The following PRR23E variants were observed in gnomAD, a reference collection of about 807,000 sequenced individuals.
The protein encoded by PRR23E is proline-rich protein 23E.
the PRR23E span, chr3:127,197,196 G>A: frequency 6.3e-7 from 1 of 1,595,244 alleles, no homozygotes; most frequent in East Asian, 2.2e-5. Context: ...GGCTGCCGTA[G>A]AGGGGCCATC....
chr3:127,194,843 A>G, the PRR23E span, among the ~76,000 whole-genome samples: 1 of 152,092 alleles, frequency 6.6e-6, no homozygotes, highest in Non-Finnish European at 1.5e-5. Flanking sequence ...CAGGTCCCTC[A>G]AGAAGATCCT....
the PRR23E span, among the ~76,000 whole-genome samples, chr3:127,194,696 C>T: frequency 6.6e-6 from 1 of 152,102 alleles, no homozygotes; most frequent in Non-Finnish European, 1.5e-5. Context: ...CTGGGTGGGC[C>T]ATTTGGTCAG....
At chr3:127,196,918 A>C in the PRR23E span, 1 of 1,599,322 alleles carries the variant, frequency 6.3e-7, no homozygotes, top group Non-Finnish European at 8.5e-7. Context: ...TTCTGGGCTT[A>C]CCCGTGGGTG....
At chr3:127,194,900 C>A in the PRR23E span, among the ~76,000 whole-genome samples, 1 of 152,182 alleles carries the variant, frequency 6.6e-6, no homozygotes, top group Non-Finnish European at 1.5e-5. Flanking sequence ...TCTGCCCATT[C>A]GGGAGGAAAT....
chr3:127,197,099 C>G, the PRR23E span: 1 of 1,598,348 alleles, frequency 6.3e-7, no homozygotes, highest in Non-Finnish European at 8.5e-7. Flanking sequence ...CACCCACCTA[C>G]TCCTTGGCTT....
the PRR23E span, chr3:127,197,456 G>A: frequency 5.5e-6 from 8 of 1,450,038 alleles, no homozygotes; most frequent in Non-Finnish European, 7.3e-6. Context: ...TCAGAGACAT[G>A]TCTGGTGGAG....
the PRR23E span, chr3:127,197,327 C>T: frequency 1.3e-6 from 2 of 1,597,784 alleles, no homozygotes; most frequent in Non-Finnish European, 1.7e-6. Flanking sequence ...CCCCTTCCCC[C>T]ATTGAAGATT....
chr3:127,196,293 C>G, the PRR23E span, among the ~76,000 whole-genome samples: 1 of 152,152 alleles, frequency 6.6e-6, no homozygotes, highest in Non-Finnish European at 1.5e-5. Flanking sequence ...CTCCAACAGA[C>G]TTGGCCATCC....
chr3:127,197,023 C>G, the PRR23E span: 1 of 1,596,528 alleles, frequency 6.3e-7, no homozygotes, highest in East Asian at 2.2e-5. Context: ...AGCTTTGACC[C>G]CCTCATAGGA....
the PRR23E span, chr3:127,196,546 A>T: frequency 7.5e-7 from 1 of 1,342,234 alleles, no homozygotes; most frequent in Non-Finnish European, 9.8e-7. Flanking sequence ...CTCCTGTGCG[A>T]CCTGGTCTCC....
chr3:127,197,188 C>T, the PRR23E span: 32 of 1,593,020 alleles, frequency 2.0e-5, no homozygotes, highest in Admixed American at 2.7e-4. Flanking sequence ...GCCCCCAGGG[C>T]TGCCGTAGAG....
the PRR23E span, chr3:127,196,635 G>T: frequency 6.6e-7 from 1 of 1,516,636 alleles, no homozygotes; most frequent in Non-Finnish European, 8.8e-7. Context: ...GCTTGCAGAG[G>T]AGTGCACTTG....
chr3:127,196,497 C>CTG, the PRR23E span: 3 of 910,086 alleles, frequency 3.3e-6, no homozygotes, highest in South Asian at 5.8e-5. Context: ...CTTGGCTCTT[C>CTG]TGTCACCTCA....
At chr3:127,196,652 A>C in the PRR23E span, 1 of 1,543,144 alleles carries the variant, frequency 6.5e-7, no homozygotes, top group Non-Finnish European at 8.7e-7. Flanking sequence ...CTTGCCAGAC[A>C]CTTCGGGGCT....
chr3:127,196,494 C>G, the PRR23E span: 3 of 884,900 alleles, frequency 3.4e-6, no homozygotes, highest in Non-Finnish European at 5.0e-6. Flanking sequence ...GATCTTGGCT[C>G]TTCTGTCACC....
the PRR23E span, among the ~76,000 whole-genome samples, chr3:127,193,535 C>T: frequency 1.3e-5 from 2 of 152,110 alleles, no homozygotes; most frequent in Non-Finnish European, 2.9e-5. Context: ...AAGCCAAGCC[C>T]AGGACCCTCC....
the PRR23E span, chr3:127,197,267 C>T: frequency 2.1e-5 from 33 of 1,599,094 alleles, no homozygotes; most frequent in South Asian, 9.9e-5. Context: ...CCTCCAGGTT[C>T]GGTATTTGGG....
chr3:127,196,765 C>T, the PRR23E span: 1 of 1,596,568 alleles, frequency 6.3e-7, no homozygotes, highest in South Asian at 1.1e-5. Flanking sequence ...GCCCACGGGA[C>T]TCTGGCAGCC....
chr3:127,193,459 CG>C, the PRR23E span, among the ~76,000 whole-genome samples: 1 of 152,028 alleles, frequency 6.6e-6, no homozygotes, highest in Non-Finnish European at 1.5e-5. Context: ...AAAGTGTCCG[CG>C]TCGCACCCCA....
Sources: allele counts gnomAD v4.1 joint callset (sites outside exome capture counted in the v4.1 genomes callset), GRCh38; gene constraint gnomAD v4.1.1; transcripts MANE v1.5; gene names NCBI Gene and HGNC (gene_info 2026-07-23, HGNC 2026-07-21).